Variants in SCN1A observed in about 807,000 individuals in gnomAD.
SCN1A encodes sodium voltage-gated channel alpha subunit 1, also known as sodium channel protein type 1 subunit alpha.
In SCN1A, 13 loss-of-function variants were observed where a neutral mutation model predicts 193.7. The observed-to-expected ratio is 0.07, with a 90% CI of 0.04 to 0.11. SCN1A has a LOEUF of 0.11. Ranked by LOEUF, SCN1A falls within the 10% of genes least tolerant of loss-of-function variation. The probability of loss-of-function intolerance (pLI) is 1.00; values close to 1 mark genes in which losing one functional copy is unlikely to be tolerated. For synonymous variants in SCN1A, 781 were observed against 843.6 expected, an observed-to-expected ratio of 0.93 and a Z score of 1.29; for missense variants, 1,432 against 2,451.1, an observed-to-expected ratio of 0.58 and a Z score of 8.78.
In SCN1A at chr2:166,041,373, T is replaced by C; in HGVS notation, c.2273A>G (p.Lys758Arg). 1 of 1,613,900 alleles carries C rather than the reference T, an allele frequency of 6.2e-7. No individual in the cohort carries two copies. The highest frequency in any genetic ancestry group is 8.5e-7 in the Non-Finnish European group (1 of 1,179,880). ...WDCSPYWLKV[K>R]HVVNLVVMDP... ...CATCACAACCAGGTTGACAACATGT[T>C]TCACTTTTAACCAATATGGAGAACA... The change falls in exon 16 of 29, where the codon AAA (lysine) becomes AGA (arginine). Residue 758 changes from lysine (K) to arginine (R), a missense_variant. Lys to Arg is a conservative substitution (Grantham distance 26). Coordinates refer to ENST00000674923, the MANE Select transcript of SCN1A (RefSeq NM_001165963.4).
intron 1 of SCN1A, among the ~76,000 whole-genome samples, chr2:166,135,540 T>C (rs1178708678): frequency 6.6e-6 from 1 of 152,208 alleles, no homozygotes; most frequent in Non-Finnish European, 1.5e-5. Context: ...AATTAACATT[T>C]TTGACACATC....
intron 2 of SCN1A, among the ~76,000 whole-genome samples, chr2:166,099,052 A>G (rs1687725842): frequency 6.6e-6 from 1 of 152,238 alleles, no homozygotes; most frequent in Non-Finnish European, 1.5e-5. Context: ...GACTAGCCAA[A>G]GCAATCCTAA....
rs1252603738 is a variant in SCN1A at position 166,036,085 on chromosome 2, T to C, written c.3392A>G (p.Asp1131Gly). 18 of 1,613,788 alleles carry C rather than the reference T, an allele frequency of 1.1e-5. No homozygotes were observed. The highest frequency in any genetic ancestry group is 2.2e-5 in the East Asian group (1 of 44,846). Residue 1131 changes from aspartate to glycine, a missense_variant, in exon 19 of 29, where the codon GAC becomes GGC. Asp to Gly is a moderately conservative substitution (Grantham distance 94). Coordinates refer to ENST00000674923, the MANE Select transcript of SCN1A (RefSeq NM_001165963.4). The part of the protein sequence containing the change: ...ESDFENLNTE[D>G]FSSESDLEES... ...TTCCAGATCCGATTCACTACTAAAG[T>C]CTTCCGTGTTTAAATTTTCAAAGTC...
intron 19 of SCN1A, among the ~76,000 whole-genome samples, chr2:166,035,234 C>G (rs1696171247): frequency 6.6e-6 from 1 of 152,130 alleles, no homozygotes; most frequent in African/African-American, 2.4e-5. Flanking sequence ...ATTTTCTTAT[C>G]TGAAAAGTTA....
intron 3 of SCN1A, among the ~76,000 whole-genome samples, chr2:166,074,640 T>C (rs1338454726): frequency 6.6e-6 from 1 of 152,200 alleles, no homozygotes; most frequent in Non-Finnish European, 1.5e-5. Flanking sequence ...TAAGGCATAT[T>C]TAATATGAGC....
chr2:166,122,490 T>A (rs1690709823), intron 2 of SCN1A, among the ~76,000 whole-genome samples: 1 of 152,214 alleles, frequency 6.6e-6, no homozygotes, highest in African/African-American at 2.4e-5. Context: ...TCTTTAAAGT[T>A]ATGTGGATTC....
In SCN1A at chr2:165,991,801, A is replaced by C. The variant is rs749198402; in HGVS notation, c.5474T>G (p.Phe1825Cys). 3 of 1,613,920 alleles carry C rather than the reference A, an allele frequency of 1.9e-6. No individual in the cohort carries two copies. Among genetic ancestry groups the C allele is most frequent in the Non-Finnish European group, 2.5e-6 (3 of 1,179,928 alleles). ...FDPDATQFMEFEKLSQFAAAL... is the reference protein window; with the variant it reads ...FDPDATQFMECEKLSQFAAAL... The stretch of plus-strand genomic sequence containing the variant: ...AGCTGCAAACTGAGATAATTTTTCA[A>C]ATTCCATGAACTGAGTTGCATCGGG... Residue 1825 changes from phenylalanine to cysteine, a missense_variant, in exon 29 of 29, where the codon TTT (phenylalanine) becomes TGT (cysteine). By Grantham distance (205) the Phe-to-Cys change is radical. This residue lies in a region of SCN1A where 59 missense variants were observed against 110.6 expected (regional missense o/e 0.53). Coordinates refer to ENST00000674923, the MANE Select transcript of SCN1A (RefSeq NM_001165963.4).
chr2:166,113,254 G>A (rs1038367366), intron 2 of SCN1A, among the ~76,000 whole-genome samples: 1 of 152,164 alleles, frequency 6.6e-6, no homozygotes. Flanking sequence ...CATATTTGAT[G>A]TCAGAAGTGG....
chr2:166,054,409 T>C (rs1323466288), intron 7 of SCN1A, among the ~76,000 whole-genome samples: 3 of 151,870 alleles, frequency 2.0e-5, no homozygotes, highest in African/African-American at 4.8e-5. Context: ...TATGTGAAAT[T>C]TTCTGACTGA....
chr2:166,099,218 A>G (rs189770147), intron 2 of SCN1A, among the ~76,000 whole-genome samples: 11 of 152,096 alleles, frequency 7.2e-5, no homozygotes, highest in African/African-American at 2.7e-4. Flanking sequence ...TACGCAAATC[A>G]ATAAATGTAA....
At chr2:166,090,974 C>T (rs1659515657) in intron 2 of SCN1A, among the ~76,000 whole-genome samples, 1 of 152,268 alleles carries the variant, frequency 6.6e-6, no homozygotes, top group East Asian at 1.9e-4. Context: ...GTTTAAATTA[C>T]TAATATTTTA....
chr2:166,138,277 A>G (rs1691943274), intron 1 of SCN1A, among the ~76,000 whole-genome samples: 1 of 152,194 alleles, frequency 6.6e-6, no homozygotes, highest in African/African-American at 2.4e-5. Flanking sequence ...TCTGAATGTT[A>G]ATCCCCAAGA....
Position 165,989,856 on chromosome 2 carries a change from A to G in SCN1A, c.*1389T>C, listed in dbSNP as rs1381014403. On this transcript the variant is annotated 3_prime_UTR_variant, in exon 29 of 29. Coordinates refer to ENST00000674923, the MANE Select transcript of SCN1A (RefSeq NM_001165963.4). Reference sequence around the variant, plus strand: ...TTATAAAATTCTAAACACATATTTAATAGGTTAAGCAGTGTGTTTTTTTAA... The same window carrying G: ...TTATAAAATTCTAAACACATATTTAGTAGGTTAAGCAGTGTGTTTTTTTAA... 1 of 152,614 alleles carries G rather than the reference A, an allele frequency of 6.6e-6. No individual in the cohort carries two copies. The highest frequency in any genetic ancestry group is 1.5e-5 in the Non-Finnish European group (1 of 68,022). The allele number at this position is 152,614 out of a possible 1,614,324, so 9.5% of individuals were successfully genotyped here. A position where few individuals can be genotyped will look rare whatever the true frequency, so the allele number is the denominator to read the frequency against.
At chr2:166,145,895 G>C (rs1692301809) in intron 1 of SCN1A, among the ~76,000 whole-genome samples, 1 of 152,106 alleles carries the variant, frequency 6.6e-6, no homozygotes, top group Non-Finnish European at 1.5e-5. Context: ...GAGCTGTGGA[G>C]AGATGGACTA....
chr2:166,113,199 G>A (rs1168061020), intron 2 of SCN1A, among the ~76,000 whole-genome samples: 2 of 151,948 alleles, frequency 1.3e-5, no homozygotes, highest in African/African-American at 2.4e-5. Flanking sequence ...AGACAATTGA[G>A]TGGTGAGGGA....
intron 3 of SCN1A, chr2:166,075,161 T>G (rs2105991236): frequency 6.6e-6 from 1 of 152,232 alleles, no homozygotes; most frequent in Admixed American, 6.5e-5. Context: ...AAATAAAATA[T>G]TCTGATGTAT....
Position 166,135,779 on chromosome 2 carries a change from C to G in SCN1A, c.-50+13268G>C, listed in dbSNP as rs1007858713. ...AGGTCAGAAAATAATGACATTTAGC[C>G]TAGTTCTCCTCGTGATTCCTTGGAA... On this transcript the variant is annotated intron_variant, in intron 1 of 26. Coordinates refer to the SCN1A transcript ENST00000635750. 3.3e-5 allele frequency among the ~76,000 whole-genome samples: 5 copies of G among 152,262 alleles called. No homozygotes were observed. The South Asian group carries it at 1.0e-3, about 32-fold the overall frequency.
chr2:166,073,171 T>G (rs562810561), intron 4 of SCN1A, 187 bp downstream of exon 4: 64 of 680,350 alleles, frequency 9.4e-5, no homozygotes, highest in Non-Finnish European at 1.4e-4. Context: ...TTGGGACAGT[T>G]GCATATGTTA....
chr2:166,065,835 A>G (rs1683783137), intron 4 of SCN1A, among the ~76,000 whole-genome samples: 1 of 152,180 alleles, frequency 6.6e-6, no homozygotes, highest in Non-Finnish European at 1.5e-5. Context: ...GCCTGAACTC[A>G]TATTTCAAGA....
Sources: gnomAD v4.1 joint callset for allele counts (sites outside exome capture counted in the v4.1 genomes callset) on GRCh38, gnomAD v4.1.1 for gene constraint, gnomAD v4.1.1 regional missense constraint, MANE v1.5 for transcripts, NCBI Gene and HGNC (gene_info 2026-07-23, HGNC 2026-07-21) for gene names.